The following LAMA1 variants were observed in gnomAD, a reference collection of about 807,000 sequenced individuals.
The protein encoded by LAMA1 is laminin subunit alpha-1.
A neutral mutation model predicts 348.7 loss-of-function variants in LAMA1; 219 were observed. That is an observed-to-expected ratio of 0.63 (90% CI 0.56 to 0.70). The LOEUF is 0.70. LAMA1 is among the 30% of genes least tolerant of loss of function. The pLI is 0.00. For synonymous variants in LAMA1, 1,487 were observed against 1,491.0 expected, an observed-to-expected ratio of 1.00 and a Z score of 0.06; for missense variants, 3,744 against 3,888.0, an observed-to-expected ratio of 0.96 and a Z score of 0.99.
chr18:7,036,156 A>C, intron 12 of LAMA1, 68 bp from the exon 13 acceptor site: 2 of 1,119,310 alleles, frequency 1.8e-6, no homozygotes. Flanking sequence ...AGTAAGAGGA[A>C]GTGGTCACTG....
In LAMA1 at chr18:6,986,207, TC is replaced by T; in HGVS notation, c.5308del (p.Glu1770LysfsTer20). 1 of 1,614,216 alleles carries T rather than the reference TC, an allele frequency of 6.2e-7. No individual in the cohort carries two copies. The highest frequency in any genetic ancestry group is 8.5e-7 in the Non-Finnish European group (1 of 1,180,044). On this transcript the variant is annotated frameshift_variant, in exon 37 of 63. Transcript: ENST00000389658. LOFTEE classifies it high-confidence loss of function. ...ELKAAEALVR[E>X]AEAKMQESNH... ...GCTTTCCTGCATCTTTGCCTCAGCT[TC>T]CCTCACGAGCGCCTCAGCCGCCTTT...
intron 48 of LAMA1, among the ~76,000 whole-genome samples, chr18:6,968,385 G>A (rs900335911): frequency 1.3e-5 from 2 of 152,196 alleles, no homozygotes; most frequent in African/African-American, 4.8e-5. Flanking sequence ...CCTGGCCCGG[G>A]CTTGGGATGC....
intron 56 of LAMA1, chr18:6,955,777 C>T: frequency 2.3e-6 from 1 of 439,568 alleles, no homozygotes. Context: ...TTGCTGTCCC[C>T]CTAGGCCCCC....
At chr18:7,018,574 T>C (rs970791712) in intron 19 of LAMA1, among the ~76,000 whole-genome samples, 15 of 151,692 alleles carry the variant, frequency 9.9e-5, no homozygotes, top group South Asian at 8.3e-4. Context: ...TTTTTGTATT[T>C]TTAGTAGAGA....
At position 7,117,797 on chromosome 18, in the gene LAMA1, C is replaced by A; in HGVS notation, c.-77G>T. On this transcript the variant is annotated 5_prime_UTR_variant, in exon 1 of 63. Transcript: ENST00000389658. Reference sequence around the variant, plus strand: ...TGGAACGCTCCACGGGACGCGAGTCCGCGCTGCCCTGGCCCCGCCGCTCCT... The same window carrying A: ...TGGAACGCTCCACGGGACGCGAGTCAGCGCTGCCCTGGCCCCGCCGCTCCT... The A allele has an allele frequency of 7.4e-7, 1 of 1,344,470 alleles. No homozygotes were observed. The allele number at this position is 1,344,470 out of a possible 1,614,324, so 83.3% of individuals were successfully genotyped here.
At chr18:6,966,024 T>A (rs1471263135) in intron 49 of LAMA1, 123 bp downstream of exon 49, 1 of 1,066,878 alleles carries the variant, frequency 9.4e-7, no homozygotes, top group Non-Finnish European at 1.4e-6. Context: ...CATATGCTCA[T>A]AAAAATTGTA....
Position 6,941,911 on chromosome 18 carries a change from G to A in LAMA1, c.*168C>T, listed in dbSNP as rs934847716. On this transcript the variant is annotated 3_prime_UTR_variant, in exon 63 of 63. Coordinates refer to ENST00000389658, the MANE Select transcript of LAMA1 (RefSeq NM_005559.4). ...TTTACATTTTAGACCATTTAATGGAGGTATTTGTTGCACATGTGGTTTTAG... is the reference window on the plus strand; with the variant it reads ...TTTACATTTTAGACCATTTAATGGAAGTATTTGTTGCACATGTGGTTTTAG... The A allele has an allele frequency of 1.2e-5, 9 of 757,806 alleles. No homozygotes were observed. Among genetic ancestry groups the A allele is most frequent in the African/African-American group, 1.7e-5 (1 of 58,068 alleles). 46.9% of individuals were successfully genotyped at this position (757,806 alleles called of 1,614,324 possible).
At chr18:7,070,134 G>A (rs1051325866) in intron 3 of LAMA1, among the ~76,000 whole-genome samples, 2 of 152,160 alleles carry the variant, frequency 1.3e-5, no homozygotes, top group Admixed American at 1.3e-4. Flanking sequence ...GGAATTTAGG[G>A]TGGCTTACTT....
At position 6,959,257 on chromosome 18, in the gene LAMA1, C is replaced by T. The variant is rs1448374650; in HGVS notation, c.7778+84G>A. ...CGATGACCCCAGTCATCTAGCCGCC[C>T]AGGGCACCACCGCAAGGTTCCTCCC... On this transcript the variant is annotated intron_variant, in intron 54 of 62. Transcript: ENST00000389658. The T allele has an allele frequency of 1.9e-6, 3 of 1,586,448 alleles. No homozygotes were observed. In the East Asian group the frequency reaches 6.7e-5, roughly 36 times the overall value.
chr18:7,095,210 C>T (rs2058256284), intron 1 of LAMA1, among the ~76,000 whole-genome samples: 1 of 149,944 alleles, frequency 6.7e-6, no homozygotes, highest in South Asian at 2.1e-4. Context: ...TTCCTAAGTT[C>T]TTCCCTATAT....
intron 29 of LAMA1, among the ~76,000 whole-genome samples, chr18:7,002,852 C>T (rs1046119942): frequency 2.6e-5 from 4 of 151,512 alleles, no homozygotes; most frequent in Non-Finnish European, 5.9e-5. Context: ...ATTACTGCAA[C>T]CAACAACTAA....
At chr18:7,107,941 G>C (rs970399387) in intron 1 of LAMA1, among the ~76,000 whole-genome samples, 7 of 151,858 alleles carry the variant, frequency 4.6e-5, no homozygotes, top group Non-Finnish European at 1.0e-4. Flanking sequence ...GTGAATCTGG[G>C]AGGCAGAGCT....
intron 36 of LAMA1, among the ~76,000 whole-genome samples, chr18:6,992,214 A>G (rs1190523799): frequency 1.3e-5 from 2 of 152,238 alleles, no homozygotes; most frequent in Non-Finnish European, 2.9e-5. Context: ...GTGGCCACCA[A>G]CGATTTTTTT....
intron 35 of LAMA1, 68 bp downstream of exon 35, chr18:6,993,573 T>TAATA: frequency 9.0e-7 from 1 of 1,116,508 alleles, no homozygotes; most frequent in South Asian, 1.2e-5. Flanking sequence ...TTCATATGTT[T>TAATA]AATAAAGCAA....
chr18:6,955,996 T>C (rs574076907), intron 56 of LAMA1: 14 of 310,826 alleles, frequency 4.5e-5, no homozygotes, highest in Non-Finnish European at 7.5e-5. Flanking sequence ...ATCTGCGGGC[T>C]GTCCTAAGAG....
chr18:7,098,719 G>A (rs1229683271), intron 1 of LAMA1, among the ~76,000 whole-genome samples: 1 of 144,884 alleles, frequency 6.9e-6, no homozygotes, highest in Non-Finnish European at 1.5e-5. Context: ...GAGGGAGGTG[G>A]GGGGGTCAGC....
intron 40 of LAMA1, 24 bp from the exon 41 acceptor site, chr18:6,982,614 G>A (rs766304294): frequency 3.2e-5 from 52 of 1,601,152 alleles, no homozygotes; most frequent in Non-Finnish European, 3.9e-5. Context: ...CCACTTAAGC[G>A]TGGTGAGAGC....
chr18:7,023,999 C>T (rs549330016), intron 18 of LAMA1, among the ~76,000 whole-genome samples: 42 of 151,842 alleles, frequency 2.8e-4, no homozygotes, highest in Middle Eastern at 3.4e-3. Flanking sequence ...CCGTCATGCC[C>T]GGCCTTTTGT....
At chr18:7,007,956 G>A (rs1402259977) in intron 28 of LAMA1, among the ~76,000 whole-genome samples, 2 of 130,192 alleles carry the variant, frequency 1.5e-5, no homozygotes, top group Admixed American at 7.5e-5. Flanking sequence ...TTTTTGAGAC[G>A]GAGTATCTCT....
Sources: gnomAD v4.1 joint callset for allele counts (sites outside exome capture counted in the v4.1 genomes callset) on GRCh38, gnomAD v4.1.1 for gene constraint, MANE v1.5 for transcripts, NCBI Gene and HGNC (gene_info 2026-07-23, HGNC 2026-07-21) for gene names.